The following SLC34A1 variants were observed in gnomAD, a reference collection of about 807,000 sequenced individuals.
SLC34A1 encodes the protein solute carrier family 34 member 1, also known as sodium-dependent phosphate transport protein 2A.
SLC34A1 carries 57 observed loss-of-function variants against 51.4 expected under a neutral mutation model. That is an observed-to-expected ratio of 1.11 (90% CI 0.90 to 1.38). The LOEUF (loss-of-function observed/expected upper bound fraction) is 1.38. Ranked by LOEUF, SLC34A1 falls within the 40% of genes most tolerant of loss-of-function variation. SLC34A1 has a pLI of 0.00. For missense variants in SLC34A1, 796 were observed against 835.6 expected (o/e 0.95, Z 0.58); for synonymous variants, 368 against 358.0 (o/e 1.03, Z -0.32).
chr5:177,394,490 T>C (rs868254353), intron 10 of SLC34A1, among the ~76,000 whole-genome samples: 14 of 152,094 alleles, frequency 9.2e-5, no homozygotes, highest in African/African-American at 2.9e-4. Flanking sequence ...TAGTGCCAGG[T>C]ATACAGAGGT....
chr5:177,392,125 C>A lies in SLC34A1; in HGVS notation c.937-1569C>A, dbSNP rs138211800. Among the ~76,000 whole-genome samples the A allele has an allele frequency of 4.5e-3, 678 of 152,346 alleles. 3 individuals carry two copies. Among genetic ancestry groups the A allele is most frequent in the African/African-American group, 0.016 (648 of 41,570 alleles). The stretch of plus-strand genomic sequence containing the variant: ...GCACATTGCCCCATTCAAGGGAGCA[C>A]ATCCCGCTAAAATAAACCCGGATGT... On this transcript the variant is annotated intron_variant, in intron 8 of 12. Transcript: ENST00000324417.
chr5:177,386,535 A>G lies in SLC34A1; in HGVS notation c.501A>G (p.Thr167=). 1 of 1,613,954 alleles carries G rather than the reference A, an allele frequency of 6.2e-7. No individual in the cohort carries two copies. Among genetic ancestry groups the G allele is most frequent in the Non-Finnish European group, 8.5e-7 (1 of 1,179,844 alleles). ...TGGTGCAGAGCTCCAGCACCTCCAC[A>G]TCCATCATCGTCAGCATGGTCTCCT... ...TVLVQSSSTS[T]SIIVSMVSSG... The change falls in exon 5 of 13, where the codon ACA becomes ACG. Residue 167 remains threonine (T), a synonymous_variant. Transcript: ENST00000324417. The surrounding 1 kb of genome is among the most constrained non-coding windows in gnomAD (Gnocchi z 4.8).
At chr5:177,387,426 A>G (rs1260166951) in intron 5 of SLC34A1, among the ~76,000 whole-genome samples, 3 of 151,684 alleles carry the variant, frequency 2.0e-5, no homozygotes, top group African/African-American at 4.9e-5. Context: ...TAACCATCAC[A>G]CTCTGGGGCA....
rs141664220 is a variant in SLC34A1 at position 177,398,465 on chromosome 5, G to A, written c.*179G>A. ...TGTCGGTGTGTGTGCATGTGTGGGG[G>A]TGAGTCTGCATGTGCACCTGTCATG... On this transcript the variant is annotated 3_prime_UTR_variant, in exon 13 of 13. Transcript: ENST00000324417. The surrounding 1 kb of genome is among the most constrained non-coding windows in gnomAD (Gnocchi z 4.7). 3.1e-3 allele frequency: 2,300 copies of A among 749,982 alleles called. 8 individuals carry two copies. Among genetic ancestry groups the A allele is most frequent in the Non-Finnish European group, 4.1e-3 (1,785 of 430,408 alleles). The allele number at this position is 749,982 out of a possible 1,614,324, so 46.5% of individuals were successfully genotyped here. A position where few individuals can be genotyped will look rare whatever the true frequency, so the allele number is the denominator to read the frequency against.
chr5:177,397,539 AGTGGGGAAAAT>A (rs1763010019), intron 12 of SLC34A1: 2 of 594,642 alleles, frequency 3.4e-6, no homozygotes, highest in Non-Finnish European at 6.0e-6. Context: ...GCGAGGGGTC[AGTGGGGAAAAT>A]GTGGGGAGCT....
At position 177,389,526 on chromosome 5, in the gene SLC34A1, G is replaced by A. The variant is rs186861441; in HGVS notation, c.936+1154G>A. On this transcript the variant is annotated intron_variant, in intron 8 of 12. Coordinates refer to ENST00000324417, the MANE Select transcript of SLC34A1 (RefSeq NM_003052.5). Reference sequence around the variant, plus strand: ...GCCTTACATAAAAAAAAACCCCTGCGGGCAGCTTTTACGCTGACTTCATGA... The same window carrying A: ...GCCTTACATAAAAAAAAACCCCTGCAGGCAGCTTTTACGCTGACTTCATGA... 1.0e-3 allele frequency: 1,406 copies of A among 1,371,636 alleles called. 1 individual carries two copies. Among genetic ancestry groups the A allele is most frequent in the Middle Eastern group, 1.5e-3 (8 of 5,422 alleles). 85.0% of individuals were successfully genotyped at this position (1,371,636 alleles called of 1,614,324 possible). A position where few individuals can be genotyped will look rare whatever the true frequency, so the allele number is the denominator to read the frequency against.
rs1358438446 is a variant in SLC34A1 at position 177,394,075 on chromosome 5, C to T, written c.1054C>T (p.Leu352Phe). Residue 352 changes from leucine to phenylalanine, a missense_variant, in exon 10 of 13, where the codon CTC becomes TTC. Coordinates refer to ENST00000324417, the MANE Select transcript of SLC34A1 (RefSeq NM_003052.5). ...DTGLPDLAVG[L>F]ILLAGSLVLL... ...TGGCCTACCGGACCTGGCTGTGGGG[C>T]TCATCCTGCTGGCAGGATCCCTGGT... is the stretch of plus-strand genomic sequence containing the variant. 1 of 1,613,966 alleles carries T rather than the reference C, an allele frequency of 6.2e-7. No individual in the cohort carries two copies. The highest frequency in any genetic ancestry group is 8.5e-7 in the Non-Finnish European group (1 of 1,180,042).
chr5:177,398,455 A>T lies in SLC34A1; in HGVS notation c.*169A>T. Reference sequence around the variant, plus strand: ...TGTGTGAGAGTGTCGGTGTGTGTGCATGTGTGGGGGTGAGTCTGCATGTGC... The same window carrying T: ...TGTGTGAGAGTGTCGGTGTGTGTGCTTGTGTGGGGGTGAGTCTGCATGTGC... On this transcript the variant is annotated 3_prime_UTR_variant, in exon 13 of 13. Transcript: ENST00000324417. This position sits in a 1 kb window ranked among gnomAD's most constrained non-coding sequence, Gnocchi z 4.7. The T allele has an allele frequency of 1.3e-6, 1 of 798,792 alleles. No homozygotes were observed. Among genetic ancestry groups the T allele is most frequent in the Non-Finnish European group, 2.1e-6 (1 of 466,920 alleles). 49.5% of individuals were successfully genotyped at this position (798,792 alleles called of 1,614,324 possible). A position where few individuals can be genotyped will look rare whatever the true frequency, so the allele number is the denominator to read the frequency against.
chr5:177,386,213 C>T lies in SLC34A1; in HGVS notation c.260-8C>T, dbSNP rs778780996. ...CTGCCCACTATGCTCATGGCTTCCC[C>T]CATCCAGAGTCCAGGCTGGTCCCCA... On this transcript the variant is annotated splice_polypyrimidine_tract_variant and splice_region_variant and intron_variant, in intron 3 of 12. Coordinates refer to ENST00000324417, the MANE Select transcript of SLC34A1 (RefSeq NM_003052.5). This position sits in a 1 kb window ranked among gnomAD's most constrained non-coding sequence, Gnocchi z 4.8. The T allele has an allele frequency of 1.6e-4, 264 of 1,614,060 alleles. No individual in the cohort carries two copies. The highest frequency in any genetic ancestry group is 2.2e-4 in the Non-Finnish European group (260 of 1,180,036).
In SLC34A1 at chr5:177,385,995, AG is replaced by A; in HGVS notation, c.120del (p.Ile41SerfsTer66). The stretch of plus-strand genomic sequence containing the variant: ...CCAGGCTCCCTCCCTAGTCCTACAC[AG>A]GATCCCGGGGACCTCTGCCTATGCC... ...AYVPSPQVLHRIPGTSAYAFP... is the reference protein window; with the variant it reads ...AYVPSPQVLHXIPGTSAYAFP... On this transcript the variant is annotated frameshift_variant, in exon 3 of 13. Transcript: ENST00000324417. LOFTEE classifies it high-confidence loss of function. The A allele has an allele frequency of 6.2e-7, 1 of 1,610,636 alleles. No homozygotes were observed. Among genetic ancestry groups the A allele is most frequent in the Non-Finnish European group, 8.5e-7 (1 of 1,178,800 alleles).
rs1364105110 is a variant in SLC34A1, at chr5:177,398,775, C to G, written c.*489C>G. ...CTCATCCTAACCCAGGTCTTCGGCA[C>G]CACCACAATTAATTCCCTTCCCAAC... is the stretch of plus-strand genomic sequence containing the variant. On this transcript the variant is annotated 3_prime_UTR_variant, in exon 13 of 13. Transcript: ENST00000324417. This position sits in a 1 kb window ranked among gnomAD's most constrained non-coding sequence, Gnocchi z 4.7. 5.8e-6 allele frequency: 1 copy of G among 172,744 alleles called. No individual in the cohort carries two copies. The highest frequency in any genetic ancestry group is 1.3e-5 in the Non-Finnish European group (1 of 78,832). The allele number at this position is 172,744 out of a possible 1,614,324, so 10.7% of individuals were successfully genotyped here.
rs550503123 is a variant in SLC34A1 at position 177,389,561 on chromosome 5, T to C, written c.936+1189T>C. 54 of 1,526,616 alleles carry C rather than the reference T, an allele frequency of 3.5e-5. No homozygotes were observed. The South Asian group carries it at 6.2e-4, about 18-fold the overall frequency. The allele number at this position is 1,526,616 out of a possible 1,614,324, so 94.6% of individuals were successfully genotyped here. ...TACGCTGACTTCATGACCTCTTTAA[T>C]ACATCAACCACTTTCTCACGAGCTC... On this transcript the variant is annotated intron_variant, in intron 8 of 12. Coordinates refer to ENST00000324417, the MANE Select transcript of SLC34A1 (RefSeq NM_003052.5).
chr5:177,395,280 G>A (rs1762922932), intron 10 of SLC34A1, among the ~76,000 whole-genome samples: 1 of 152,236 alleles, frequency 6.6e-6, no homozygotes, highest in Admixed American at 6.5e-5. Flanking sequence ...AAATGGCAGT[G>A]CAGTAGGGTG....
chr5:177,397,386 C>G, intron 12 of SLC34A1: 1 of 492,886 alleles, frequency 2.0e-6, no homozygotes, highest in Admixed American at 3.3e-5. Flanking sequence ...TTGCGGGGGT[C>G]AAGGCCGCAA....
At chr5:177,393,054 C>T (rs1762855551) in intron 8 of SLC34A1, among the ~76,000 whole-genome samples, 1 of 152,180 alleles carries the variant, frequency 6.6e-6, no homozygotes, top group Admixed American at 6.5e-5. Context: ...TCTACAGGCC[C>T]AGCAGAAACT....
chr5:177,398,612 T>G lies in SLC34A1; in HGVS notation c.*326T>G. On this transcript the variant is annotated 3_prime_UTR_variant, in exon 13 of 13. Coordinates refer to ENST00000324417, the MANE Select transcript of SLC34A1 (RefSeq NM_003052.5). The surrounding 1 kb of genome is among the most constrained non-coding windows in gnomAD (Gnocchi z 4.7). ...TATGATTTCAGGTCCTCTGCACGTG[T>G]ACACATGACTAGGATAGGCAGGAGT... 2.1e-6 allele frequency: 1 copy of G among 468,736 alleles called. No homozygotes were observed. Among genetic ancestry groups the G allele is most frequent in the Non-Finnish European group, 4.0e-6 (1 of 251,082 alleles). 29.0% of individuals were successfully genotyped at this position (468,736 alleles called of 1,614,324 possible). A position where few individuals can be genotyped will look rare whatever the true frequency, so the allele number is the denominator to read the frequency against.
Position 177,385,721 on chromosome 5 carries a change from A to G in SLC34A1, c.-21A>G. 1 of 1,576,168 alleles carries G rather than the reference A, an allele frequency of 6.3e-7. No individual in the cohort carries two copies. The highest frequency in any genetic ancestry group is 1.1e-5 in the South Asian group (1 of 89,090). On this transcript the variant is annotated 5_prime_UTR_variant, in exon 2 of 13. Coordinates refer to ENST00000324417, the MANE Select transcript of SLC34A1 (RefSeq NM_003052.5). The stretch of plus-strand genomic sequence containing the variant: ...GTTGCTGAGACCCACTGACCTGCAG[A>G]CCTCATAGTGGGTGCCCAGGATGTT...
At chr5:177,387,131 G>A (rs902714339) in intron 5 of SLC34A1, among the ~76,000 whole-genome samples, 1 of 151,926 alleles carries the variant, frequency 6.6e-6, no homozygotes. Flanking sequence ...AGCACTTTGG[G>A]AGGCTGAGGG....
chr5:177,392,194 G>A (rs1307832890), intron 8 of SLC34A1, among the ~76,000 whole-genome samples: 1 of 152,214 alleles, frequency 6.6e-6, no homozygotes, highest in Non-Finnish European at 1.5e-5. Flanking sequence ...CAGCATGGTG[G>A]CTCACACCTG....
Sources: allele counts gnomAD v4.1 joint callset (sites outside exome capture counted in the v4.1 genomes callset), GRCh38; gene constraint gnomAD v4.1.1; non-coding constraint Gnocchi (gnomAD v3.1); transcripts MANE v1.5; gene names NCBI Gene and HGNC (gene_info 2026-07-23, HGNC 2026-07-21).